The following FBXW4 variants were observed in gnomAD, a reference collection of about 807,000 sequenced individuals.
The protein encoded by FBXW4 is F-box/WD repeat-containing protein 4.
Under a neutral mutation model 61.8 loss-of-function variants are expected in FBXW4, and 40 were observed. The observed-to-expected ratio is 0.65, with a 90% CI of 0.50 to 0.84. The LOEUF (loss-of-function observed/expected upper bound fraction) is 0.84. Among genes scored for constraint, FBXW4 ranks in the 40% least tolerant of loss-of-function variants. The probability of loss-of-function intolerance (pLI) is 0.00; values close to 1 mark genes in which losing one functional copy is unlikely to be tolerated. For synonymous variants in FBXW4, 311 were observed against 313.8 expected, an observed-to-expected ratio of 0.99 and a Z score of 0.10; for missense variants, 672 against 753.8, an observed-to-expected ratio of 0.89 and a Z score of 1.27.
intron 5 of FBXW4, among the ~76,000 whole-genome samples, chr10:101,648,527 G>A (rs7914471): frequency 0.97 from 147,703 of 152,262 alleles, 71,805 homozygotes; most frequent in East Asian, 1. Flanking sequence ...AGTGGCAACA[G>A]GAAAAGGAGT....
chr10:101,651,894 G>A (rs1385506518), intron 5 of FBXW4, among the ~76,000 whole-genome samples: 1 of 152,038 alleles, frequency 6.6e-6, no homozygotes, highest in Non-Finnish European at 1.5e-5. Context: ...AAAGGGGGCC[G>A]CGGCCCTCTC....
chr10:101,670,443 G>A (rs975465408), intron 4 of FBXW4, among the ~76,000 whole-genome samples: 1 of 152,176 alleles, frequency 6.6e-6, no homozygotes, highest in African/African-American at 2.4e-5. Flanking sequence ...GCAGGTATCA[G>A]GCAAACAATA....
Position 101,611,897 on chromosome 10 carries a change from A to G in FBXW4, c.1443-128T>C. On this transcript the variant is annotated intron_variant, in intron 7 of 8. Coordinates refer to ENST00000331272, the MANE Select transcript of FBXW4 (RefSeq NM_022039.4). This position sits in a 1 kb window ranked among gnomAD's most constrained non-coding sequence, Gnocchi z 4.9. ...TCCGGGATGGAAGAGAAAGAAGCCT[A>G]AATCATCAGATTCATCAAAAACCGA... is the stretch of plus-strand genomic sequence containing the variant. 1.3e-5 allele frequency: 15 copies of G among 1,154,584 alleles called. No homozygotes were observed. The highest frequency in any genetic ancestry group is 1.8e-5 in the Non-Finnish European group (15 of 841,756). 71.5% of individuals were successfully genotyped at this position (1,154,584 alleles called of 1,614,324 possible).
At chr10:101,677,891 C>A (rs1258447005) in intron 1 of FBXW4, among the ~76,000 whole-genome samples, 3 of 149,310 alleles carry the variant, frequency 2.0e-5, no homozygotes, top group Non-Finnish European at 3.0e-5. Context: ...AAAAAAAAAA[C>A]CCATAAACTA....
At chr10:101,632,271 C>T (rs937909861) in intron 5 of FBXW4, among the ~76,000 whole-genome samples, 1 of 152,090 alleles carries the variant, frequency 6.6e-6, no homozygotes, top group Non-Finnish European at 1.5e-5. Flanking sequence ...CAGGATGGTG[C>T]AAGTAGGTGC....
intron 1 of FBXW4, among the ~76,000 whole-genome samples, chr10:101,678,016 T>C (rs559440933): frequency 5.3e-5 from 8 of 152,220 alleles, no homozygotes; most frequent in Admixed American, 1.3e-4. Context: ...ATATTAATTG[T>C]AGAACCTAGG....
chr10:101,665,174 C>T (rs2064286017), intron 5 of FBXW4, among the ~76,000 whole-genome samples: 1 of 152,008 alleles, frequency 6.6e-6, no homozygotes. Context: ...GACCCTATCC[C>T]AGTATATTCT....
In FBXW4 at chr10:101,611,900, TCATCAGATTC is replaced by T; in HGVS notation, c.1443-141_1443-132del. The T allele has an allele frequency of 8.1e-6, 9 of 1,116,200 alleles. No individual in the cohort carries two copies. In the East Asian group the frequency reaches 1.6e-4, roughly 19 times the overall value. The allele number at this position is 1,116,200 out of a possible 1,614,324, so 69.1% of individuals were successfully genotyped here. ...GGGATGGAAGAGAAAGAAGCCTAAA[TCATCAGATTC>T]ATCAAAAACCGAACTTCATGGGAGA... On this transcript the variant is annotated intron_variant, in intron 7 of 8. Transcript: ENST00000331272. The surrounding 1 kb of genome is among the most constrained non-coding windows in gnomAD (Gnocchi z 4.9).
At chr10:101,644,945 G>T (rs1333770342) in intron 5 of FBXW4, among the ~76,000 whole-genome samples, 2 of 152,186 alleles carry the variant, frequency 1.3e-5, no homozygotes, top group Admixed American at 1.3e-4. Context: ...TCATGGCCAT[G>T]GGCTGTAGGA....
intron 5 of FBXW4, among the ~76,000 whole-genome samples, chr10:101,628,459 G>A (rs2063924506): frequency 6.6e-6 from 1 of 152,122 alleles, no homozygotes; most frequent in South Asian, 2.1e-4. Context: ...AGGCTCTTGG[G>A]TACTGTACTG....
chr10:101,657,820 T>C (rs1295985809), intron 5 of FBXW4, among the ~76,000 whole-genome samples: 2 of 152,126 alleles, frequency 1.3e-5, no homozygotes, highest in South Asian at 2.1e-4. Context: ...GTATTCTTTA[T>C]TGTCATCATG....
intron 5 of FBXW4, among the ~76,000 whole-genome samples, chr10:101,664,163 A>G (rs1480287161): frequency 5.9e-5 from 9 of 152,234 alleles, no homozygotes. Context: ...GCTTTCTCTC[A>G]GTCGTGAGGA....
Position 101,695,094 on chromosome 10 carries a change from C to T in FBXW4, c.12G>A (p.Gln4=), listed in dbSNP as rs539245919. Residue 4 remains glutamine, a synonymous_variant, in exon 1 of 9, where the codon CAG becomes CAA. Coordinates refer to ENST00000331272, the MANE Select transcript of FBXW4 (RefSeq NM_022039.4). The surrounding 1 kb of genome is among the most constrained non-coding windows in gnomAD (Gnocchi z 4.2). MGS[Q]GRSGPPGNGG... ...CGTTCCCGGGGGGCCCCGAGCGGCCCTGGCTGCCCATGAGCGGCCGCGGGG... is the reference window on the plus strand; with the variant it reads ...CGTTCCCGGGGGGCCCCGAGCGGCCTTGGCTGCCCATGAGCGGCCGCGGGG... The T allele has an allele frequency of 2.0e-6, 2 of 986,710 alleles. No individual in the cohort carries two copies. The highest frequency in any genetic ancestry group is 1.2e-4 in the Admixed American group (2 of 16,274). The allele number at this position is 986,710 out of a possible 1,614,324, so 61.1% of individuals were successfully genotyped here.
chr10:101,688,511 A>T (rs1313576652), intron 1 of FBXW4, among the ~76,000 whole-genome samples: 2 of 152,232 alleles, frequency 1.3e-5, no homozygotes, highest in Non-Finnish European at 2.9e-5. Flanking sequence ...CAAACCTCTA[A>T]CAGGAGATAA....
In FBXW4 at chr10:101,641,327, A is replaced by G. The variant is rs564957816; in HGVS notation, c.1236-16517T>C. 3.3e-5 allele frequency among the ~76,000 whole-genome samples: 5 copies of G among 152,278 alleles called. 1 individual carries two copies. Among genetic ancestry groups the G allele is most frequent in the African/African-American group, 7.2e-5 (3 of 41,564 alleles). On this transcript the variant is annotated intron_variant, in intron 5 of 8. Transcript: ENST00000331272. ...GGAAAACACAGGGGTTAATTTTACT[A>G]TTTTTCTCTTTATCTTTGAAAATTT...
At chr10:101,618,281 G>A (rs1369347143) in intron 6 of FBXW4, among the ~76,000 whole-genome samples, 1 of 152,238 alleles carries the variant, frequency 6.6e-6, no homozygotes, top group East Asian at 1.9e-4. Context: ...GCCCTTATCA[G>A]TGTTCCAACA....
In FBXW4 at chr10:101,682,434, C is replaced by T. The variant is rs769933630; in HGVS notation, c.726-5998G>A. 1.4e-4 allele frequency among the ~76,000 whole-genome samples: 22 copies of T among 152,124 alleles called. No individual in the cohort carries two copies. In the South Asian group the frequency reaches 2.9e-3, roughly 20 times the overall value. ...AAATCTAAATGAAAAAAAAAATAGA[C>T]TTCCCTGTCTGCTCCTCGTATCTGC... is the stretch of plus-strand genomic sequence containing the variant. On this transcript the variant is annotated intron_variant, in intron 1 of 8. Transcript: ENST00000331272.
intron 1 of FBXW4, among the ~76,000 whole-genome samples, chr10:101,693,039 G>A: frequency 6.6e-6 from 1 of 152,208 alleles, no homozygotes; most frequent in East Asian, 1.9e-4. Context: ...AGAGTGGGAA[G>A]AGACAGTCTC....
intron 1 of FBXW4, among the ~76,000 whole-genome samples, chr10:101,681,457 C>T (rs1230588354): frequency 6.8e-6 from 1 of 146,478 alleles, no homozygotes; most frequent in Non-Finnish European, 1.5e-5. Flanking sequence ...GTGGCTCACG[C>T]CTGTAATCCC....
Sources: allele counts gnomAD v4.1 joint callset (sites outside exome capture counted in the v4.1 genomes callset), GRCh38; gene constraint gnomAD v4.1.1; non-coding constraint Gnocchi (gnomAD v3.1); transcripts MANE v1.5; gene names NCBI Gene and HGNC (gene_info 2026-07-23, HGNC 2026-07-21).